The following TASOR variants were observed in gnomAD, a reference collection of about 807,000 sequenced individuals.
The protein encoded by TASOR is protein TASOR.
A neutral mutation model predicts 178.6 loss-of-function variants in TASOR; 53 were observed. The ratio of observed to expected loss-of-function variants is 0.30; its 90% confidence interval spans 0.24 to 0.37. TASOR has a LOEUF of 0.37. Ranked by LOEUF, TASOR falls within the 10% of genes least tolerant of loss-of-function variation. TASOR has a pLI of 1.00. For synonymous variants in TASOR, 713 were observed against 696.2 expected, an observed-to-expected ratio of 1.02 and a Z score of -0.38; for missense variants, 1,815 against 1,971.4, an observed-to-expected ratio of 0.92 and a Z score of 1.50.
chr3:56,636,175 T>G (rs1169333310), intron 17 of TASOR, among the ~76,000 whole-genome samples: 2 of 151,092 alleles, frequency 1.3e-5, no homozygotes, highest in African/African-American at 4.9e-5. Flanking sequence ...CCAGGCGTGG[T>G]GGCGAGCACC....
chr3:56,622,137 A>T lies in TASOR; in HGVS notation c.*900T>A, dbSNP rs2076696142. The stretch of plus-strand genomic sequence containing the variant: ...TATGACATTTATTTGTAGAAATTGC[A>T]ATTTTCAAAAACATTTTTAAAAGTT... On this transcript the variant is annotated 3_prime_UTR_variant, in exon 24 of 24. Transcript: ENST00000683822. The T allele has an allele frequency of 6.6e-6, 1 of 152,202 alleles. No homozygotes were observed. The highest frequency in any genetic ancestry group is 2.1e-4 in the South Asian group (1 of 4,830). 9.4% of individuals were successfully genotyped at this position (152,202 alleles called of 1,614,324 possible). A position where few individuals can be genotyped will look rare whatever the true frequency, so the allele number is the denominator to read the frequency against.
chr3:56,676,258 G>A (rs1225210657), intron 1 of TASOR, among the ~76,000 whole-genome samples: 2 of 152,150 alleles, frequency 1.3e-5, no homozygotes, highest in Admixed American at 1.3e-4. Flanking sequence ...ATTTTGTCAA[G>A]AGCTTTAAAA....
At chr3:56,660,302 C>T (rs1178882504) in intron 11 of TASOR, among the ~76,000 whole-genome samples, 1 of 151,698 alleles carries the variant, frequency 6.6e-6, no homozygotes, top group Non-Finnish European at 1.5e-5. Context: ...CCATCCTGGA[C>T]AACACGGTGA....
rs565787244 is a variant in TASOR, at chr3:56,623,882, TATAAA to T, written c.4484-321_4484-317del. On this transcript the variant is annotated intron_variant, in intron 23 of 23. Transcript: ENST00000683822. ...GTAATTCAGTATTTGACAAGACAAATATAAAATAAAATTTTTTGACATCTAGCTTC... is the reference window on the plus strand; with the variant it reads ...GTAATTCAGTATTTGACAAGACAAATATAAAATTTTTTGACATCTAGCTTC... The T allele has an allele frequency of 1.3e-4, 190 of 1,513,216 alleles. 2 individuals carry two copies. The highest frequency in any genetic ancestry group is 9.4e-4 in the South Asian group (74 of 78,622). 93.7% of individuals were successfully genotyped at this position (1,513,216 alleles called of 1,614,324 possible).
At chr3:56,676,344 TATAC>T in intron 1 of TASOR, among the ~76,000 whole-genome samples, 1 of 152,204 alleles carries the variant, frequency 6.6e-6, no homozygotes, top group Non-Finnish European at 1.5e-5. Context: ...AATTCAGTAA[TATAC>T]GAAACACAAA....
intron 13 of TASOR, 50 bp downstream of exon 13, chr3:56,648,772 A>G: frequency 7.4e-7 from 1 of 1,351,268 alleles, no homozygotes; most frequent in Non-Finnish European, 1.0e-6. Context: ...AATTTCAATG[A>G]AATGTTAAGT....
At chr3:56,650,337 T>G (rs2077324820) in intron 11 of TASOR, among the ~76,000 whole-genome samples, 1 of 152,214 alleles carries the variant, frequency 6.6e-6, no homozygotes, top group Admixed American at 6.5e-5. Flanking sequence ...AAAGTGGTAT[T>G]GTGTTTGGGG....
In TASOR at chr3:56,624,815, G is replaced by C; in HGVS notation, c.4318+13C>G. On this transcript the variant is annotated intron_variant, in intron 22 of 23. Transcript: ENST00000683822. ...TATATTCATAGTAGAAAGCTTAGGA[G>C]TGCTCTCTTTACCTGTTAAAAAGAC... 6.2e-7 allele frequency: 1 copy of C among 1,612,774 alleles called. No homozygotes were observed. The highest frequency in any genetic ancestry group is 8.5e-7 in the Non-Finnish European group (1 of 1,179,116).
intron 11 of TASOR, among the ~76,000 whole-genome samples, chr3:56,651,465 T>A (rs577870066): frequency 6.6e-6 from 1 of 151,746 alleles, no homozygotes; most frequent in South Asian, 2.1e-4. Context: ...GAAGTCGAAG[T>A]GGGAGGAGGA....
rs961656845 is a variant in TASOR at position 56,621,189 on chromosome 3, A to C, written c.*1848T>G. The C allele has an allele frequency of 9.1e-4, 150 of 164,840 alleles. No homozygotes were observed. Among genetic ancestry groups the C allele is most frequent in the Non-Finnish European group, 1.4e-3 (111 of 76,580 alleles). The allele number at this position is 164,840 out of a possible 1,614,324, so 10.2% of individuals were successfully genotyped here. The stretch of plus-strand genomic sequence containing the variant: ...AAAAACAAAACAACAACAACAAAAA[A>C]AAAACACTGTATGTTAAGGGAGACT... On this transcript the variant is annotated 3_prime_UTR_variant, in exon 24 of 24. Coordinates refer to ENST00000683822, the MANE Select transcript of TASOR (RefSeq NM_001365635.2).
At chr3:56,639,062 G>C (rs766641904) in intron 16 of TASOR, among the ~76,000 whole-genome samples, 2 of 151,996 alleles carry the variant, frequency 1.3e-5, no homozygotes, top group Non-Finnish European at 2.9e-5. Flanking sequence ...ACAATACTAG[G>C]TTCCCTCTAT....
At chr3:56,635,874 A>G (rs1184647865) in intron 17 of TASOR, among the ~76,000 whole-genome samples, 1 of 152,254 alleles carries the variant, frequency 6.6e-6, no homozygotes, top group Non-Finnish European at 1.5e-5. Context: ...GAATATTTTT[A>G]ACCTGAAATA....
chr3:56,637,072 A>G (rs1055527097), intron 17 of TASOR, among the ~76,000 whole-genome samples: 1 of 152,180 alleles, frequency 6.6e-6, no homozygotes, highest in Non-Finnish European at 1.5e-5. Context: ...AAAGTACCAA[A>G]CACGAGAGAC....
intron 13 of TASOR, among the ~76,000 whole-genome samples, chr3:56,647,564 G>A (rs2077261179): frequency 6.6e-6 from 1 of 152,140 alleles, no homozygotes; most frequent in Non-Finnish European, 1.5e-5. Context: ...AACAGAGACA[G>A]AACAAGATCT....
At position 56,683,129 on chromosome 3, in the gene TASOR, G is replaced by T; in HGVS notation, c.-123C>A. The T allele has an allele frequency of 8.5e-7, 1 of 1,172,202 alleles. No homozygotes were observed. The highest frequency in any genetic ancestry group is 1.2e-6 in the Non-Finnish European group (1 of 861,874). 72.6% of individuals were successfully genotyped at this position (1,172,202 alleles called of 1,614,324 possible). On this transcript the variant is annotated 5_prime_UTR_variant, in exon 1 of 24. Coordinates refer to ENST00000683822, the MANE Select transcript of TASOR (RefSeq NM_001365635.2). ...AGCCCACCCACCCCCTTCCCCCCGT[G>T]GCCTCAGGCTGCGCTCCCGACCTGG...
intron 14 of TASOR, among the ~76,000 whole-genome samples, chr3:56,642,429 G>A (rs983152927): frequency 1.2e-4 from 18 of 152,266 alleles, no homozygotes; most frequent in African/African-American, 4.3e-4. Context: ...TGTAAAGGGC[G>A]CAAACATTCA....
intron 17 of TASOR, among the ~76,000 whole-genome samples, chr3:56,637,835 A>T (rs2077047707): frequency 6.6e-6 from 1 of 152,178 alleles, no homozygotes; most frequent in South Asian, 2.1e-4. Flanking sequence ...AATGCCTATG[A>T]CCATCTGCAG....
At chr3:56,632,612 C>T (rs752199889) in intron 18 of TASOR, among the ~76,000 whole-genome samples, 1 of 152,188 alleles carries the variant, frequency 6.6e-6, no homozygotes, top group Non-Finnish European at 1.5e-5. Flanking sequence ...GGACTTACCA[C>T]TCTTTTATTC....
intron 1 of TASOR, among the ~76,000 whole-genome samples, chr3:56,674,807 T>G (rs753772168): frequency 2.6e-5 from 4 of 152,194 alleles, no homozygotes; most frequent in Non-Finnish European, 5.9e-5. Flanking sequence ...AAGCATAGCA[T>G]CTGACGCATA....
Sources: allele counts gnomAD v4.1 joint callset (sites outside exome capture counted in the v4.1 genomes callset), GRCh38; gene constraint gnomAD v4.1.1; transcripts MANE v1.5; gene names NCBI Gene and HGNC (gene_info 2026-07-23, HGNC 2026-07-21).